LUZP2: variants seen among roughly 807,000 people sequenced by gnomAD.
LUZP2 encodes the protein leucine zipper protein 2.
In LUZP2, 52 loss-of-function variants were observed where a neutral mutation model predicts 51.6. That is an observed-to-expected ratio of 1.01 (90% CI 0.81 to 1.27). The LOEUF is 1.27. Among genes scored for constraint, LUZP2 ranks in the 50% most tolerant of loss-of-function variants. The probability of loss-of-function intolerance (pLI) is 0.00; values close to 1 mark genes in which losing one functional copy is unlikely to be tolerated. For missense variants in LUZP2, 436 were observed against 395.4 expected (o/e 1.10, Z -0.87); for synonymous variants, 154 against 137.3 (o/e 1.12, Z -0.85).
chr11:24,555,047 T>C (rs1004362604), intron 1 of LUZP2, among the ~76,000 whole-genome samples: 3 of 152,148 alleles, frequency 2.0e-5, no homozygotes, highest in African/African-American at 7.2e-5. Context: ...CTATCATTGA[T>C]GCACTGTGTA....
chr11:24,997,982 T>C (rs1008493701), intron 9 of LUZP2, among the ~76,000 whole-genome samples: 13 of 152,180 alleles, frequency 8.5e-5, no homozygotes, highest in Non-Finnish European at 1.9e-4. Flanking sequence ...GATCTGTATC[T>C]CTGTTTTGGT....
intron 1 of LUZP2, among the ~76,000 whole-genome samples, chr11:24,705,517 G>T (rs541527186): frequency 1.3e-5 from 2 of 152,244 alleles, no homozygotes; most frequent in East Asian, 1.9e-4. Flanking sequence ...TACATTTATT[G>T]ATGCACATTG....
chr11:25,050,593 T>C (rs1858477622), intron 10 of LUZP2, among the ~76,000 whole-genome samples: 2 of 152,258 alleles, frequency 1.3e-5, no homozygotes, highest in East Asian at 1.9e-4. Flanking sequence ...CATGAGCCAC[T>C]GAGCCTGGCC....
chr11:25,000,919 G>GTGAA (rs1388298042), intron 9 of LUZP2, among the ~76,000 whole-genome samples: 1 of 151,800 alleles, frequency 6.6e-6, no homozygotes, highest in Non-Finnish European at 1.5e-5. Context: ...TCTTTTGAGA[G>GTGAA]TGTGTGGTAG....
chr11:24,832,529 T>C (rs1217806933), intron 5 of LUZP2, among the ~76,000 whole-genome samples: 1 of 149,934 alleles, frequency 6.7e-6, no homozygotes, highest in Non-Finnish European at 1.5e-5. Flanking sequence ...ATCTTGTTAA[T>C]GATCCATTCT....
intron 1 of LUZP2, among the ~76,000 whole-genome samples, chr11:24,503,325 G>A (rs774114977): frequency 3.3e-5 from 5 of 152,186 alleles, no homozygotes; most frequent in East Asian, 1.9e-4. Context: ...CATAGAAAAC[G>A]GTGTAATTTA....
At chr11:24,768,299 AG>A (rs996093789) in intron 5 of LUZP2, among the ~76,000 whole-genome samples, 4 of 152,092 alleles carry the variant, frequency 2.6e-5, no homozygotes, top group South Asian at 2.1e-4. Context: ...TAGTGGAGAC[AG>A]GGTTTTGTCA....
intron 1 of LUZP2, among the ~76,000 whole-genome samples, chr11:24,705,917 T>A (rs1383795838): frequency 6.8e-6 from 1 of 147,948 alleles, no homozygotes; most frequent in African/African-American, 2.5e-5. Flanking sequence ...AAATATGTGC[T>A]CATAGCGCTA....
At chr11:24,997,547 A>C (rs1366828129) in intron 9 of LUZP2, among the ~76,000 whole-genome samples, 1 of 152,106 alleles carries the variant, frequency 6.6e-6, no homozygotes, top group East Asian at 1.9e-4. Context: ...AGGTTGCGAA[A>C]ATGTTCTCCC....
Position 24,574,267 on chromosome 11 carries a change from T to A in LUZP2, c.62+76962T>A, listed in dbSNP as rs371076698. ...TTCTTTCTTTCTTTCTTTCTTGCTT[T>A]CTTTCTTTCTTTCTTTCTTTCCTTT... On this transcript the variant is annotated intron_variant, in intron 1 of 11. Coordinates refer to ENST00000336930, the MANE Select transcript of LUZP2 (RefSeq NM_001009909.4). Among the ~76,000 whole-genome samples the A allele has an allele frequency of 1.1e-4, 14 of 130,958 alleles. 1 individual carries two copies. Among genetic ancestry groups the A allele is most frequent in the South Asian group, 5.1e-4 (2 of 3,938 alleles). 85.9% of individuals were successfully genotyped at this position (130,958 alleles called of 152,430 possible).
chr11:24,814,080 A>C lies in LUZP2; in HGVS notation c.396+50772A>C, dbSNP rs895758003. ...CTATTATTATATTTGCCCATTTCCAATTCAACATTTTGTAAGTTAAAACTT... is the reference window on the plus strand; with the variant it reads ...CTATTATTATATTTGCCCATTTCCACTTCAACATTTTGTAAGTTAAAACTT... On this transcript the variant is annotated intron_variant, in intron 5 of 11. Coordinates refer to ENST00000336930, the MANE Select transcript of LUZP2 (RefSeq NM_001009909.4). Among the ~76,000 whole-genome samples the C allele has an allele frequency of 2.0e-5, 3 of 152,336 alleles. No individual in the cohort carries two copies. In the South Asian group the frequency reaches 6.2e-4, roughly 32 times the overall value.
chr11:24,714,581 A>G (rs1293723792), intron 1 of LUZP2, among the ~76,000 whole-genome samples: 1 of 152,182 alleles, frequency 6.6e-6, no homozygotes, highest in African/African-American at 2.4e-5. Flanking sequence ...AAAAATCTTC[A>G]TCAGCATGGG....
At chr11:24,727,764 A>G (rs1266885648) in intron 1 of LUZP2, among the ~76,000 whole-genome samples, 1 of 151,982 alleles carries the variant, frequency 6.6e-6, no homozygotes, top group Non-Finnish European at 1.5e-5. Context: ...CAGCGAGAAT[A>G]TTGTGGTTCT....
chr11:24,816,357 G>A (rs958554253), intron 5 of LUZP2, among the ~76,000 whole-genome samples: 1 of 151,744 alleles, frequency 6.6e-6, no homozygotes, highest in Non-Finnish European at 1.5e-5. Context: ...TTATAGCAAT[G>A]CATGATAAAT....
chr11:24,639,528 C>T (rs940344085), intron 1 of LUZP2, among the ~76,000 whole-genome samples: 8 of 151,500 alleles, frequency 5.3e-5, no homozygotes, highest in Admixed American at 3.9e-4. Flanking sequence ...CTCAGCTCAC[C>T]GCAACCTCCG....
chr11:25,075,159 C>T (rs947412825), intron 10 of LUZP2, among the ~76,000 whole-genome samples: 8 of 151,988 alleles, frequency 5.3e-5, no homozygotes, highest in African/African-American at 1.9e-4. Flanking sequence ...ATAAATCATA[C>T]AACAAGAAAT....
At chr11:24,769,755 A>G (rs1487645787) in intron 5 of LUZP2, among the ~76,000 whole-genome samples, 1 of 150,338 alleles carries the variant, frequency 6.7e-6, no homozygotes, top group Non-Finnish European at 1.5e-5. Context: ...AGCTCAAGGT[A>G]AGGATGAAAT....
chr11:24,774,362 C>CTATATATA (rs1554989374), intron 5 of LUZP2, among the ~76,000 whole-genome samples: 10 of 76,334 alleles, frequency 1.3e-4, no homozygotes, highest in East Asian at 9.6e-4. Context: ...CTCTCTCTCT[C>CTATATATA]TATATATATA....
At chr11:24,625,066 C>T (rs994168804) in intron 1 of LUZP2, among the ~76,000 whole-genome samples, 1 of 151,842 alleles carries the variant, frequency 6.6e-6, no homozygotes, top group Admixed American at 6.6e-5. Context: ...GACATAATGC[C>T]GAGTGAATTA....
Sources: allele counts gnomAD v4.1 joint callset (sites outside exome capture counted in the v4.1 genomes callset), GRCh38; gene constraint gnomAD v4.1.1; transcripts MANE v1.5; gene names NCBI Gene and HGNC (gene_info 2026-07-23, HGNC 2026-07-21).